COL24A1: variants seen among roughly 807,000 people sequenced by gnomAD.
The protein encoded by COL24A1 is collagen alpha-1(XXIV) chain.
A neutral mutation model predicts 253.9 loss-of-function variants in COL24A1; 224 were observed. That is an observed-to-expected ratio of 0.88 (90% confidence interval 0.79 to 0.99). The LOEUF is 0.99. Among genes scored for constraint, COL24A1 ranks in the 50% least tolerant of loss-of-function variants. COL24A1 has a pLI of 0.00. For synonymous variants in COL24A1, 685 were observed against 673.7 expected (o/e 1.02, Z -0.26); for missense variants, 2,131 against 2,068.5 (o/e 1.03, Z -0.59).
At chr1:85,991,785 G>C (rs532580638) in intron 19 of COL24A1, among the ~76,000 whole-genome samples, 7 of 152,188 alleles carry the variant, frequency 4.6e-5, no homozygotes, top group African/African-American at 7.2e-5. Flanking sequence ...TGATCTCATA[G>C]TATAGTCATA....
chr1:85,935,757 T>C (rs1178233848), intron 24 of COL24A1, among the ~76,000 whole-genome samples: 4 of 147,450 alleles, frequency 2.7e-5, no homozygotes, highest in Middle Eastern at 3.5e-3. Flanking sequence ...AGTATCAGAC[T>C]GTATCCCTTA....
chr1:85,957,197 G>T (rs541370421), intron 24 of COL24A1, among the ~76,000 whole-genome samples: 1 of 152,088 alleles, frequency 6.6e-6, no homozygotes, highest in Admixed American at 6.6e-5. Context: ...TCAGGGGATG[G>T]GGTGCAAGGG....
chr1:86,119,124 C>T (rs114480605), intron 3 of COL24A1, among the ~76,000 whole-genome samples: 72 of 152,206 alleles, frequency 4.7e-4, no homozygotes, highest in African/African-American at 1.7e-3. Flanking sequence ...GCAGACTACT[C>T]TCCCTCCCTC....
At chr1:85,785,116 G>C (rs1459903593) in intron 48 of COL24A1, among the ~76,000 whole-genome samples, 1 of 152,086 alleles carries the variant, frequency 6.6e-6, no homozygotes, top group Non-Finnish European at 1.5e-5. Flanking sequence ...CAGAAAAAGA[G>C]TAGTCTCCTG....
At chr1:85,948,699 CTCCTCCCTAA>C (rs1185980836) in intron 24 of COL24A1, among the ~76,000 whole-genome samples, 12 of 151,650 alleles carry the variant, frequency 7.9e-5, no homozygotes, top group African/African-American at 2.9e-4. Flanking sequence ...TTTTGAATGA[CTCCTCCCTAA>C]CTCATTCTAT....
At chr1:85,885,740 ACAACAATGGTGACACCAGTC>A (rs1238491130) in intron 32 of COL24A1, among the ~76,000 whole-genome samples, 15 of 152,194 alleles carry the variant, frequency 9.9e-5, no homozygotes, top group Non-Finnish European at 1.0e-4. Flanking sequence ...AAAAATATCA[ACAACAATGGTGACACCAGTC>A]CAAGGCTGGA....
chr1:85,822,883 G>A (rs1481199), intron 45 of COL24A1, among the ~76,000 whole-genome samples: 66,478 of 151,912 alleles, frequency 0.44, 15,373 homozygotes, highest in African/African-American at 0.54. Context: ...TTGATGTCTG[G>A]TCACCTTGGC....
At chr1:85,864,053 T>C (rs1313126657) in intron 37 of COL24A1, among the ~76,000 whole-genome samples, 1 of 152,178 alleles carries the variant, frequency 6.6e-6, no homozygotes, top group Non-Finnish European at 1.5e-5. Flanking sequence ...ATTACGGGTA[T>C]ATACCCAAAG....
chr1:86,026,286 G>A (rs1216827830), intron 14 of COL24A1, among the ~76,000 whole-genome samples: 1 of 152,138 alleles, frequency 6.6e-6, no homozygotes, highest in East Asian at 1.9e-4. Flanking sequence ...GAAGAGATGA[G>A]GACTACAAAG....
In COL24A1 at chr1:86,156,450, T is replaced by C. The variant is rs1653636721; in HGVS notation, c.-54A>G. ...GCTAACGGAAAACAGAAGCCAACTC[T>C]GAACTGCTTAGGGTGCAGGTACTGT... On this transcript the variant is annotated 5_prime_UTR_variant, in exon 1 of 60. Transcript: ENST00000370571. 1.3e-6 allele frequency: 2 copies of C among 1,562,920 alleles called. No individual in the cohort carries two copies. Among genetic ancestry groups the C allele is most frequent in the Admixed American group, 1.7e-5 (1 of 57,188 alleles).
chr1:86,014,547 A>G (rs1231150090), intron 19 of COL24A1, among the ~76,000 whole-genome samples: 2 of 152,072 alleles, frequency 1.3e-5, no homozygotes, highest in African/African-American at 4.8e-5. Context: ...AAGGCCTTTG[A>G]ACCCTAACAG....
chr1:86,033,841 G>A (rs769377185), intron 13 of COL24A1, 29 bp downstream of exon 13: 18 of 1,593,610 alleles, frequency 1.1e-5, no homozygotes, highest in Non-Finnish European at 1.5e-5. Context: ...ATGTTAGAAT[G>A]CAAGGCTGAA....
intron 20 of COL24A1, among the ~76,000 whole-genome samples, chr1:85,972,800 TCAGTGGC>T (rs761486993): frequency 9.1e-4 from 137 of 151,204 alleles, no homozygotes; most frequent in Middle Eastern, 7.1e-3. Context: ...GTTTCAAACT[TCAGTGGC>T]ACTGCTGGGA....
intron 5 of COL24A1, among the ~76,000 whole-genome samples, chr1:86,101,352 C>T (rs888482820): frequency 6.6e-6 from 1 of 152,154 alleles, no homozygotes; most frequent in Non-Finnish European, 1.5e-5. Context: ...TTGACTCCCT[C>T]TCTTCCTATT....
intron 43 of COL24A1, among the ~76,000 whole-genome samples, chr1:85,825,063 T>C (rs1374138676): frequency 6.8e-6 from 1 of 146,404 alleles, no homozygotes; most frequent in Non-Finnish European, 1.5e-5. Flanking sequence ...CCCAATGCTA[T>C]CCCTCTCCCC....
At chr1:86,023,112 A>C in intron 14 of COL24A1, 105 bp from the exon 15 acceptor site, 1 of 927,502 alleles carries the variant, frequency 1.1e-6, no homozygotes. Context: ...CCAACTCACT[A>C]AGCTCCTACA....
intron 5 of COL24A1, among the ~76,000 whole-genome samples, chr1:86,105,659 T>G (rs962060648): frequency 1.3e-5 from 2 of 152,086 alleles, no homozygotes; most frequent in African/African-American, 4.8e-5. Context: ...CTGGCCATGC[T>G]CCACCACATA....
intron 14 of COL24A1, among the ~76,000 whole-genome samples, chr1:86,024,276 T>C (rs894611938): frequency 6.6e-6 from 1 of 152,170 alleles, no homozygotes; most frequent in African/African-American, 2.4e-5. Flanking sequence ...CTGTACTTTT[T>C]TTTTCCTGCC....
intron 5 of COL24A1, among the ~76,000 whole-genome samples, chr1:86,103,074 G>A (rs1704613350): frequency 6.6e-6 from 1 of 152,136 alleles, no homozygotes; most frequent in African/African-American, 2.4e-5. Flanking sequence ...GTGTTGGGAT[G>A]CATATATATT....
Sources: allele counts gnomAD v4.1 joint callset (sites outside exome capture counted in the v4.1 genomes callset), GRCh38; gene constraint gnomAD v4.1.1; transcripts MANE v1.5; gene names NCBI Gene and HGNC (gene_info 2026-07-23, HGNC 2026-07-21).